ASB16: variants seen among roughly 807,000 people sequenced by gnomAD.
ASB16 encodes ankyrin repeat and SOCS box protein 16.
In ASB16, 44 loss-of-function variants were observed where a neutral mutation model predicts 39.1. The observed-to-expected ratio is 1.13, with a 90% CI of 0.88 to 1.45. The LOEUF (loss-of-function observed/expected upper bound fraction) is 1.45, where lower values mean the gene tolerates loss of function less well. ASB16 is among the 40% of genes most tolerant of loss of function. The pLI is 0.00. For synonymous variants in ASB16, 305 were observed against 286.7 expected (o/e 1.06, Z -0.64); for missense variants, 698 against 634.5 (o/e 1.10, Z -1.07).
intron 3 of ASB16, 118 bp downstream of exon 3, chr17:44,177,348 A>G: frequency 7.3e-7 from 1 of 1,375,412 alleles, no homozygotes; most frequent in Non-Finnish European, 9.7e-7. Context: ...CTCAGTGGCC[A>G]GGGGGCTGTC....
At chr17:44,176,517 C>A in intron 2 of ASB16, 1 of 694,914 alleles carries the variant, frequency 1.4e-6, no homozygotes, top group Non-Finnish European at 2.5e-6. Flanking sequence ...GCACAAATCA[C>A]TCCTGGGCTT....
chr17:44,174,259 A>C (rs2054268363), intron 2 of ASB16, among the ~76,000 whole-genome samples: 1 of 151,648 alleles, frequency 6.6e-6, no homozygotes, highest in South Asian at 2.1e-4. Context: ...GTTAGCCAGG[A>C]TGGTCTTGAT....
chr17:44,177,180 G>T lies in ASB16; in HGVS notation c.1012G>T (p.Val338Phe). 6.5e-7 allele frequency: 1 copy of T among 1,536,886 alleles called. No homozygotes were observed. The change falls in exon 3 of 5, where the codon GTC becomes TTC. Residue 338 changes from valine (V) to phenylalanine (F), a missense_variant. Coordinates refer to ENST00000293414, the MANE Select transcript of ASB16 (RefSeq NM_080863.5). ...VQDSPNWEPE[V>F]LFAALLDYGA... Reference sequence around the variant, plus strand: ...GGACTCCCCCAACTGGGAGCCTGAAGTCCTTTTCGCCGCACTGCTGGACTA... The same window carrying T: ...GGACTCCCCCAACTGGGAGCCTGAATTCCTTTTCGCCGCACTGCTGGACTA...
Position 44,177,025 on chromosome 17 carries a change from C to A in ASB16, c.857C>A (p.Thr286Lys). 6.7e-7 allele frequency: 1 copy of A among 1,489,854 alleles called. No homozygotes were observed. The highest frequency in any genetic ancestry group is 8.8e-7 in the Non-Finnish European group (1 of 1,132,572). 92.3% of individuals were successfully genotyped at this position (1,489,854 alleles called of 1,614,324 possible). ...DARAAGRKRH[T>K]PLHNACANGC... is the part of the protein sequence containing the mutation. ...CGGGCGGCCGGGCGCAAGCGCCACA[C>A]GCCGCTGCACAACGCTTGTGCCAAC... is the stretch of plus-strand genomic sequence containing the variant. Residue 286 changes from threonine to lysine, a missense_variant, in exon 3 of 5, where the codon ACG becomes AAG. Physicochemically the swap from Thr to Lys is moderately conservative, Grantham distance 78 (BLOSUM62 -1). Coordinates refer to ENST00000293414, the MANE Select transcript of ASB16 (RefSeq NM_080863.5).
At chr17:44,175,040 T>C (rs2054275312) in intron 2 of ASB16, among the ~76,000 whole-genome samples, 1 of 148,552 alleles carries the variant, frequency 6.7e-6, no homozygotes, top group African/African-American at 2.5e-5. Context: ...AGGCAGAGAC[T>C]GCAGTGAGCC....
chr17:44,173,457 C>T (rs1443123432), intron 2 of ASB16, among the ~76,000 whole-genome samples: 1 of 151,590 alleles, frequency 6.6e-6, no homozygotes, highest in Non-Finnish European at 1.5e-5. Context: ...CTTTTGGAGG[C>T]GGAGGCAGGA....
chr17:44,176,886 A>C lies in ASB16; in HGVS notation c.718A>C (p.Thr240Pro). 6.2e-7 allele frequency: 1 copy of C among 1,601,628 alleles called. No homozygotes were observed. Among genetic ancestry groups the C allele is most frequent in the Non-Finnish European group, 8.5e-7 (1 of 1,176,706 alleles). Reference sequence around the variant, plus strand: ...GCATGGCGCCGACGTGGGCCTGCGCACCAGCCAGGGCGAGACTGCGCTGAA... The same window carrying C: ...GCATGGCGCCGACGTGGGCCTGCGCCCCAGCCAGGGCGAGACTGCGCTGAA... ...LEHGADVGLR[T>P]SQGETALNTA... The change falls in exon 3 of 5, where the codon ACC (threonine) becomes CCC (proline). Residue 240 changes from threonine (T) to proline (P), a missense_variant. By Grantham distance (38) the Thr-to-Pro change is conservative. Coordinates refer to ENST00000293414, the MANE Select transcript of ASB16 (RefSeq NM_080863.5).
Position 44,178,365 on chromosome 17 carries a change from T to G in ASB16, c.1337T>G (p.Leu446Arg). ...CCGCTCCTCAGGGACTACCTGCTGC[T>G]GCGTGTGGAGGGGTGCATCCAGTGA... ...LPPLLRDYLL[L>R]RVEGCIQ The change falls in exon 5 of 5, where the codon CTG (leucine) becomes CGG (arginine). Residue 446 changes from leucine to arginine, a missense_variant. Coordinates refer to ENST00000293414, the MANE Select transcript of ASB16 (RefSeq NM_080863.5). 6.2e-7 allele frequency: 1 copy of G among 1,607,880 alleles called. No homozygotes were observed.
chr17:44,174,184 C>G lies in ASB16; in HGVS notation c.569+1871C>G, dbSNP rs142765900. Among the ~76,000 whole-genome samples, 1,277 of 151,974 alleles carry G rather than the reference C, an allele frequency of 8.4e-3. 18 individuals are homozygous for G. The highest frequency in any genetic ancestry group is 0.029 in the African/African-American group (1,188 of 41,460). ...CCTCCCGAGTAACTGGGACTACAGGCTCCCGCCAACACGCCCGGCTAATTT... is the reference window on the plus strand; with the variant it reads ...CCTCCCGAGTAACTGGGACTACAGGGTCCCGCCAACACGCCCGGCTAATTT... On this transcript the variant is annotated intron_variant, in intron 2 of 4. Transcript: ENST00000293414.
chr17:44,173,441 C>T (rs1444260350), intron 2 of ASB16, among the ~76,000 whole-genome samples: 2 of 151,644 alleles, frequency 1.3e-5, no homozygotes, highest in Non-Finnish European at 2.9e-5. Context: ...ACCTGTAATC[C>T]CAACACTTTT....
At chr17:44,173,801 G>A (rs963101488) in intron 2 of ASB16, among the ~76,000 whole-genome samples, 3 of 152,104 alleles carry the variant, frequency 2.0e-5, no homozygotes, top group Non-Finnish European at 2.9e-5. Context: ...ACAACAGGGC[G>A]GGACCCTGTC....
chr17:44,175,400 TAAAAAAAA>T (rs10583057), intron 2 of ASB16, among the ~76,000 whole-genome samples: 1 of 56,258 alleles, frequency 1.8e-5, no homozygotes, highest in African/African-American at 6.9e-5. Context: ...AGACTCCATC[TAAAAAAAA>T]AAAAAAAAAA....
chr17:44,172,183 T>C lies in ASB16; in HGVS notation c.439T>C (p.Leu147=). 6.2e-7 allele frequency: 1 copy of C among 1,612,864 alleles called. No individual in the cohort carries two copies. The highest frequency in any genetic ancestry group is 1.1e-5 in the South Asian group (1 of 91,044). The change falls in exon 2 of 5, where the codon TTG becomes CTG. Residue 147 remains leucine, a synonymous_variant. Coordinates refer to ENST00000293414, the MANE Select transcript of ASB16 (RefSeq NM_080863.5). ...TGCCCGTGTCGGGGGTCGCGCTGCC[T>C]TGCATGAGGCCTGTGCCCGAGCCCA... ...LDARVGGRAA[L]HEACARAQFD... is the part of the protein sequence containing the mutation.
At chr17:44,175,257 C>T (rs553166449) in intron 2 of ASB16, among the ~76,000 whole-genome samples, 1 of 151,576 alleles carries the variant, frequency 6.6e-6, no homozygotes, top group East Asian at 1.9e-4. Flanking sequence ...AAAAAATTAG[C>T]CGGGCATGGT....
rs530725766 is a variant in ASB16 at position 44,174,607 on chromosome 17, G to A, written c.570-2131G>A. Among the ~76,000 whole-genome samples the A allele has an allele frequency of 1.3e-4, 20 of 152,182 alleles. No individual in the cohort carries two copies. The East Asian group carries it at 3.7e-3, about 28-fold the overall frequency. On this transcript the variant is annotated intron_variant, in intron 2 of 4. Transcript: ENST00000293414. ...GCAGGTAAGGATTCAAGGGCTTCTGGAAGACTCTCCACTGCCCACAAGCTG... is the reference window on the plus strand; with the variant it reads ...GCAGGTAAGGATTCAAGGGCTTCTGAAAGACTCTCCACTGCCCACAAGCTG...
At chr17:44,172,766 G>A (rs1036811951) in intron 2 of ASB16, among the ~76,000 whole-genome samples, 1 of 149,838 alleles carries the variant, frequency 6.7e-6, no homozygotes, top group Non-Finnish European at 1.5e-5. Context: ...ACAGGTGTGT[G>A]CCACCACACC....
chr17:44,170,900 G>T lies in ASB16; in HGVS notation c.111G>T (p.Arg37=). Residue 37 remains arginine (R), a synonymous_variant, in exon 1 of 5, where the codon CGG becomes CGT. Transcript: ENST00000293414. ...GGCGGGCGGCTGCCCAGCAGTGCCG[G>T]AGCCGCAGGTGCCCGTCAAGTCCCC... is the stretch of plus-strand genomic sequence containing the variant. ...DRRRAAAQQC[R]SRRCPSSPRA... The T allele has an allele frequency of 6.2e-7, 1 of 1,612,282 alleles. No individual in the cohort carries two copies. Among genetic ancestry groups the T allele is most frequent in the Non-Finnish European group, 8.5e-7 (1 of 1,179,738 alleles).
intron 4 of ASB16, 109 bp from the exon 5 acceptor site, chr17:44,178,096 A>C: frequency 8.5e-7 from 1 of 1,175,002 alleles, no homozygotes; most frequent in Non-Finnish European, 1.2e-6. Flanking sequence ...TTTGAGACAC[A>C]TGAAACACCC....
chr17:44,176,804 GC>G lies in ASB16; in HGVS notation c.640del (p.Leu214CysfsTer34), dbSNP rs2054297084. On this transcript the variant is annotated frameshift_variant, in exon 3 of 5. Coordinates refer to ENST00000293414, the MANE Select transcript of ASB16 (RefSeq NM_080863.5). LOFTEE classifies it high-confidence loss of function. ...TGGCAGCAGGCGAGAGCCAGGAGAC[GC>G]CCCTGCACGTGGCGGCGGCGCGCGG... is the stretch of plus-strand genomic sequence containing the variant. ...NLAAGESQET[P>X]LHVAAARGLE... The G allele has an allele frequency of 2.5e-6, 4 of 1,613,102 alleles. No individual in the cohort carries two copies. The South Asian group carries it at 4.4e-5, about 18-fold the overall frequency.
Sources: gnomAD v4.1 joint callset for allele counts (sites outside exome capture counted in the v4.1 genomes callset) on GRCh38, gnomAD v4.1.1 for gene constraint, MANE v1.5 for transcripts, NCBI Gene and HGNC (gene_info 2026-07-23, HGNC 2026-07-21) for gene names.